CD163L1: variants seen among roughly 807,000 people sequenced by gnomAD.
CD163L1 encodes scavenger receptor cysteine-rich type 1 protein M160.
CD163L1 carries 124 observed loss-of-function variants against 165.4 expected under a neutral mutation model. The ratio of observed to expected loss-of-function variants is 0.75; its 90% CI spans 0.65 to 0.87. The LOEUF (loss-of-function observed/expected upper bound fraction) is 0.87, where lower values mean the gene tolerates loss of function less well. CD163L1 is among the 40% of genes least tolerant of loss of function. The pLI is 0.00. For synonymous variants in CD163L1, 585 were observed against 662.2 expected, an observed-to-expected ratio of 0.88 and a Z score of 1.79; for missense variants, 1,525 against 1,799.9, an observed-to-expected ratio of 0.85 and a Z score of 2.76.
At chr12:7,341,557 A>G in the CD163L1 span, among the ~76,000 whole-genome samples, 2 of 152,246 alleles carry the variant, frequency 1.3e-5, no homozygotes, top group African/African-American at 4.8e-5. Flanking sequence ...AGAAATTTTT[A>G]CAATCTGTAT....
intron 2 of CD163L1, 97 bp downstream of exon 2, chr12:7,441,057 G>T: frequency 2.5e-6 from 2 of 812,974 alleles, no homozygotes; most frequent in Non-Finnish European, 4.1e-6. Context: ...ATTTTTACAT[G>T]TTCTATTTCC....
At chr12:7,373,033 AAC>A (rs781761147) in intron 14 of CD163L1, among the ~76,000 whole-genome samples, 33 of 152,302 alleles carry the variant, frequency 2.2e-4, no homozygotes, top group Non-Finnish European at 4.0e-4. Flanking sequence ...CATTTTTTAA[AAC>A]ACTGTAATTT....
intron 4 of CD163L1, among the ~76,000 whole-genome samples, chr12:7,413,679 T>G (rs140216171): frequency 3.3e-5 from 5 of 152,332 alleles, no homozygotes; most frequent in African/African-American, 1.2e-4. Context: ...AAGCAGCACA[T>G]GCAAGATCCT....
intron 9 of CD163L1, 52 bp from the exon 10 acceptor site, chr12:7,376,066 C>T (rs1365996436): frequency 2.0e-6 from 3 of 1,512,902 alleles, no homozygotes; most frequent in Non-Finnish European, 8.9e-7. Flanking sequence ...AATATCTATC[C>T]CTGTCTCCAG....
chr12:7,373,493 C>T lies in CD163L1; in HGVS notation c.3557G>A (p.Cys1186Tyr). The change falls in exon 14 of 20, where the codon TGT (cysteine) becomes TAT (tyrosine). Residue 1186 changes from cysteine to tyrosine, a missense_variant. Coordinates refer to ENST00000313599, the MANE Select transcript of CD163L1 (RefSeq NM_174941.6). ...IAGIVCRQLG[C>Y]GENGVVSLAP... The stretch of plus-strand genomic sequence containing the variant: ...GAGGCTGACAACTCCATTCTCCCCA[C>T]AGCCCAGCTGCCTGCACACAATGCC... 6.2e-7 allele frequency: 1 copy of T among 1,614,210 alleles called. No homozygotes were observed. The highest frequency in any genetic ancestry group is 1.1e-5 in the South Asian group (1 of 91,090).
intron 5 of CD163L1, among the ~76,000 whole-genome samples, chr12:7,404,176 C>T (rs939718389): frequency 6.6e-6 from 1 of 151,946 alleles, no homozygotes; most frequent in African/African-American, 2.4e-5. Context: ...CTAAACATTG[C>T]AATAAAAAGC....
intron 18 of CD163L1, among the ~76,000 whole-genome samples, chr12:7,359,455 A>G (rs775703975): frequency 1.3e-5 from 2 of 152,240 alleles, no homozygotes; most frequent in South Asian, 4.1e-4. Context: ...GAGGGAGTAT[A>G]ATATTTAGTG....
the CD163L1 span, chr12:7,328,568 T>G: frequency 2.8e-6 from 1 of 355,556 alleles, no homozygotes; most frequent in Non-Finnish European, 5.2e-6. Flanking sequence ...TGGATGAAAA[T>G]TGTTATAATG....
At chr12:7,345,845 G>T (rs1418885472), downstream of CD163L1, among the ~76,000 whole-genome samples, 1 of 152,180 alleles carries the variant, frequency 6.6e-6, no homozygotes, top group Non-Finnish European at 1.5e-5. Flanking sequence ...ATGGTGGAAG[G>T]CAAAGGGGGT....
intron 6 of CD163L1, among the ~76,000 whole-genome samples, chr12:7,402,822 G>A (rs1947941167): frequency 6.6e-6 from 1 of 151,848 alleles, no homozygotes; most frequent in African/African-American, 2.4e-5. Flanking sequence ...TTTTTGCAGA[G>A]GGAGTCTTGC....
At chr12:7,436,086 T>C (rs1565819545) in intron 2 of CD163L1, among the ~76,000 whole-genome samples, 1 of 152,120 alleles carries the variant, frequency 6.6e-6, no homozygotes, top group East Asian at 1.9e-4. Context: ...CAATTCAGGA[T>C]AGACATTATC....
At chr12:7,396,013 A>G (rs1859757612) in intron 8 of CD163L1, 82 bp downstream of exon 8, 1 of 1,139,478 alleles carries the variant, frequency 8.8e-7, no homozygotes, top group Non-Finnish European at 1.3e-6. Flanking sequence ...CTCGGTCATA[A>G]ATGTACTGAC....
Position 7,397,083 on chromosome 12 carries a change from A to C in CD163L1, c.1730-668T>G, listed in dbSNP as rs7484514. On this transcript the variant is annotated intron_variant, in intron 7 of 19. Transcript: ENST00000313599. ...TTCTGTATCCAGTAGTAAAGAGGGC[A>C]CTGATAATCCATGGCATGATGTGGC... 5.9e-3 allele frequency among the ~76,000 whole-genome samples: 900 copies of C among 152,284 alleles called. 11 individuals carry two copies. Among genetic ancestry groups the C allele is most frequent in the African/African-American group, 0.021 (869 of 41,568 alleles).
chr12:7,388,118 C>A (rs1051215769), intron 8 of CD163L1, among the ~76,000 whole-genome samples: 2 of 152,066 alleles, frequency 1.3e-5, no homozygotes, highest in East Asian at 1.9e-4. Flanking sequence ...ACATAAAAAT[C>A]AAAGGAAAAT....
At chr12:7,328,244 G>A in the CD163L1 span, 2 of 1,447,412 alleles carry the variant, frequency 1.4e-6, no homozygotes, top group South Asian at 1.2e-5. Flanking sequence ...ACAATTGGAA[G>A]GATGGAATCA....
intron 14 of CD163L1, among the ~76,000 whole-genome samples, chr12:7,371,376 C>A (rs992986041): frequency 2.0e-5 from 3 of 152,084 alleles, no homozygotes; most frequent in Non-Finnish European, 4.4e-5. Context: ...AATATTGAAA[C>A]ACAATGATTT....
intron 17 of CD163L1, among the ~76,000 whole-genome samples, chr12:7,367,840 T>G (rs1947055386): frequency 6.6e-6 from 1 of 152,228 alleles, no homozygotes; most frequent in African/African-American, 2.4e-5. Context: ...AGCTAAGATA[T>G]TTGCCTATCT....
At chr12:7,415,576 A>AC (rs952038474) in intron 4 of CD163L1, among the ~76,000 whole-genome samples, 3 of 150,950 alleles carry the variant, frequency 2.0e-5, no homozygotes, top group Admixed American at 6.6e-5. Flanking sequence ...TCACTCCCCT[A>AC]CCCCCCCAAC....
At chr12:7,388,767 G>C (rs1333449593) in intron 8 of CD163L1, among the ~76,000 whole-genome samples, 1 of 150,314 alleles carries the variant, frequency 6.7e-6, no homozygotes, top group African/African-American at 2.4e-5. Context: ...AACAAAGTGG[G>C]GGGGGCAAAG....
Sources: allele counts gnomAD v4.1 joint callset (sites outside exome capture counted in the v4.1 genomes callset), GRCh38; gene constraint gnomAD v4.1.1; transcripts MANE v1.5; gene names NCBI Gene and HGNC (gene_info 2026-07-23, HGNC 2026-07-21).